Variants in ZFHX3 observed in about 807,000 individuals in gnomAD.
The protein encoded by ZFHX3 is zinc finger homeobox 3.
Under a neutral mutation model 279.1 loss-of-function variants are expected in ZFHX3, and 42 were observed. The observed-to-expected ratio is 0.15, with a 90% CI of 0.12 to 0.19. The LOEUF is 0.19. Among genes scored for constraint, ZFHX3 ranks in the 10% least tolerant of loss-of-function variants. The probability of loss-of-function intolerance (pLI) is 1.00; values close to 1 mark genes in which losing one functional copy is unlikely to be tolerated. For synonymous variants in ZFHX3, 2,293 were observed against 1,957.8 expected, an observed-to-expected ratio of 1.17 and a Z score of -4.52; for missense variants, 4,981 against 4,754.0, an observed-to-expected ratio of 1.05 and a Z score of -1.40.
intron 2 of ZFHX3, among the ~76,000 whole-genome samples, chr16:73,605,059 A>G (rs1227547163): frequency 6.6e-6 from 1 of 152,154 alleles, no homozygotes; most frequent in Non-Finnish European, 1.5e-5. Context: ...CAACAAGACC[A>G]CATTCTGCTT....
At chr16:73,363,239 C>T (rs999252588) in intron 3 of ZFHX3, among the ~76,000 whole-genome samples, 2 of 152,138 alleles carry the variant, frequency 1.3e-5, no homozygotes, top group African/African-American at 4.8e-5. Context: ...TCGGAGGACC[C>T]GGATCAAACT....
chr16:73,411,985 T>C (rs1224194305), intron 3 of ZFHX3, among the ~76,000 whole-genome samples: 1 of 152,178 alleles, frequency 6.6e-6, no homozygotes, highest in East Asian at 1.9e-4. Context: ...GGAAGAGCAA[T>C]TAAAGACCTC....
intron 3 of ZFHX3, among the ~76,000 whole-genome samples, chr16:73,380,831 C>T (rs937715592): frequency 2.6e-5 from 4 of 152,088 alleles, no homozygotes; most frequent in Non-Finnish European, 5.9e-5. Context: ...ACAGTGAGAC[C>T]CCATCTCTAC....
Position 73,415,503 on chromosome 16 carries a change from C to T in ZFHX3, c.-1291+40500G>A, listed in dbSNP as rs553279626. ...CAATCTGGGGAGAAAAGGGCTGATT[C>T]ATCTGTTTCAAGGGCCAGGCAAAGA... is the stretch of plus-strand genomic sequence containing the variant. On this transcript the variant is annotated intron_variant, in intron 3 of 17. Coordinates refer to the ZFHX3 transcript ENST00000641206. Among the ~76,000 whole-genome samples the T allele has an allele frequency of 3.9e-5, 6 of 152,312 alleles. No individual in the cohort carries two copies. In the South Asian group the frequency reaches 1.2e-3, roughly 32 times the overall value.
chr16:73,702,365 A>G (rs2053256757), intron 1 of ZFHX3, among the ~76,000 whole-genome samples: 1 of 152,146 alleles, frequency 6.6e-6, no homozygotes, highest in Non-Finnish European at 1.5e-5. Context: ...CAGATGGGAC[A>G]CACGGCAGAC....
rs113336540 is a variant in ZFHX3 at position 73,631,900 on chromosome 16, C to A, written c.-1547+48280G>T. Among the ~76,000 whole-genome samples, 123 of 102,512 alleles carry A rather than the reference C, an allele frequency of 1.2e-3. 1 individual carries two copies. The highest frequency in any genetic ancestry group is 4.1e-3 in the African/African-American group (114 of 27,984). The allele number at this position is 102,512 out of a possible 152,430, so 67.3% of individuals were successfully genotyped here. On this transcript the variant is annotated intron_variant, in intron 2 of 17. Transcript: ENST00000641206. ...CCAGCCTGGGTGATAGAGTGGGATT[C>A]TCTCTCTCTCTCTCTCTCTCTCTCT...
chr16:73,314,136 T>C (rs1211339872), intron 4 of ZFHX3, among the ~76,000 whole-genome samples: 1 of 152,184 alleles, frequency 6.6e-6, no homozygotes, highest in Admixed American at 6.5e-5. Context: ...AGTAAGCAGT[T>C]GTCCTCTTTA....
intron 1 of ZFHX3, among the ~76,000 whole-genome samples, chr16:73,850,637 T>C (rs570228549): frequency 9.2e-5 from 14 of 152,184 alleles, no homozygotes; most frequent in Non-Finnish European, 1.6e-4. Flanking sequence ...TTGCCTGTCC[T>C]CTGTCTGTCC....
chr16:72,943,823 T>G (rs942585173), intron 3 of ZFHX3, among the ~76,000 whole-genome samples: 1 of 152,280 alleles, frequency 6.6e-6, no homozygotes, highest in African/African-American at 2.4e-5. Context: ...ATCATGTTCC[T>G]AGCTCATTAT....
At chr16:73,179,959 A>C (rs1049705185) in intron 5 of ZFHX3, among the ~76,000 whole-genome samples, 2 of 152,214 alleles carry the variant, frequency 1.3e-5, no homozygotes, top group Non-Finnish European at 2.9e-5. Flanking sequence ...GCTCGGGCAC[A>C]ATGAGGGGAA....
intron 3 of ZFHX3, among the ~76,000 whole-genome samples, chr16:72,926,297 T>A (rs1959444477): frequency 6.6e-6 from 1 of 152,172 alleles, no homozygotes; most frequent in Non-Finnish European, 1.5e-5. Context: ...TTTTTGCGTC[T>A]CTGTCTCTCT....
intron 1 of ZFHX3, among the ~76,000 whole-genome samples, chr16:73,732,454 C>G (rs2053577010): frequency 6.6e-6 from 1 of 152,124 alleles, no homozygotes; most frequent in African/African-American, 2.4e-5. Flanking sequence ...CTGGATTTGC[C>G]CAGGACAATT....
intron 1 of ZFHX3, among the ~76,000 whole-genome samples, chr16:73,779,733 T>C (rs1214382671): frequency 6.6e-6 from 1 of 152,144 alleles, no homozygotes; most frequent in Non-Finnish European, 1.5e-5. Flanking sequence ...CCTTTCCTTT[T>C]TTTGAGAAAG....
At chr16:72,935,451 C>T (rs369677955) in intron 3 of ZFHX3, among the ~76,000 whole-genome samples, 3 of 152,244 alleles carry the variant, frequency 2.0e-5, no homozygotes, top group South Asian at 4.1e-4. Context: ...TTTAAGATTC[C>T]GTCTTTTGGC....
intron 1 of ZFHX3, among the ~76,000 whole-genome samples, chr16:73,778,899 A>G (rs1567407762): frequency 1.3e-5 from 2 of 152,240 alleles, no homozygotes; most frequent in Non-Finnish European, 2.9e-5. Flanking sequence ...GAAAGTAGGA[A>G]TTGTTCTTCT....
intron 1 of ZFHX3, among the ~76,000 whole-genome samples, chr16:73,820,725 G>A (rs144287715): frequency 2.9e-4 from 44 of 152,008 alleles, no homozygotes; most frequent in African/African-American, 1.0e-3. Flanking sequence ...CCAAGCTCTT[G>A]GGTAGTTTGT....
chr16:73,187,159 C>CACACACACAT (rs772342473), intron 5 of ZFHX3, among the ~76,000 whole-genome samples: 4,041 of 151,982 alleles, frequency 0.027, 185 homozygotes, highest in African/African-American at 0.093. Context: ...CACACACACA[C>CACACACACAT]ACACACACAC....
intron 3 of ZFHX3, among the ~76,000 whole-genome samples, chr16:73,349,745 T>C (rs1597295997): frequency 1.5e-5 from 1 of 66,298 alleles, no homozygotes; most frequent in Non-Finnish European, 2.7e-5. Flanking sequence ...CTTCCTTCCC[T>C]CCCTCCCTCC....
At chr16:72,924,116 G>C (rs188772720) in intron 3 of ZFHX3, among the ~76,000 whole-genome samples, 49 of 152,244 alleles carry the variant, frequency 3.2e-4, no homozygotes, top group African/African-American at 1.1e-3. Context: ...TCAAGGAGAG[G>C]CTCACATTTT....
Sources: allele counts gnomAD v4.1 joint callset (sites outside exome capture counted in the v4.1 genomes callset), GRCh38; gene constraint gnomAD v4.1.1; transcripts MANE v1.5; gene names NCBI Gene and HGNC (gene_info 2026-07-23, HGNC 2026-07-21).